The following GCG variants were observed in gnomAD, a reference collection of about 807,000 sequenced individuals.
The protein encoded by GCG is pro-glucagon.
In GCG, 11 loss-of-function variants were observed where a neutral mutation model predicts 22.8. The observed-to-expected ratio is 0.48, with a 90% confidence interval of 0.30 to 0.80. The LOEUF (loss-of-function observed/expected upper bound fraction) is 0.80, where lower values mean the gene tolerates loss of function less well. Ranked by LOEUF, GCG falls within the 30% of genes least tolerant of loss-of-function variation. GCG has a pLI of 0.06. For missense variants in GCG, 222 were observed against 222.0 expected (o/e 1.00, Z 0.00); for synonymous variants, 89 against 72.4 (o/e 1.23, Z -1.16).
intron 1 of GCG, among the ~76,000 whole-genome samples, chr2:162,151,692 G>T (rs757965842): frequency 6.6e-6 from 1 of 152,028 alleles, no homozygotes; most frequent in African/African-American, 2.4e-5. Flanking sequence ...TATTTAATTT[G>T]CTCTTTTGGA....
intron 2 of GCG, among the ~76,000 whole-genome samples, 179 bp downstream of exon 2, chr2:162,148,908 A>T (rs568835084): frequency 6.9e-6 from 1 of 145,112 alleles, no homozygotes; most frequent in South Asian, 2.2e-4. Context: ...ATTATAAAAA[A>T]CACAAACTCT....
chr2:162,147,720 T>C (rs1686725608), intron 2 of GCG: 3 of 616,660 alleles, frequency 4.9e-6, no homozygotes, highest in East Asian at 2.9e-5. Context: ...TTATTCTGAA[T>C]TCTAGAAACA....
At chr2:162,146,834 GTTC>G (rs1686700976) in intron 3 of GCG, among the ~76,000 whole-genome samples, 2 of 152,034 alleles carry the variant, frequency 1.3e-5, no homozygotes, top group South Asian at 4.1e-4. Context: ...ATAGGCTTGT[GTTC>G]TTATTTGCTG....
chr2:162,150,517 A>G (rs1248097339), intron 1 of GCG, among the ~76,000 whole-genome samples: 2 of 152,126 alleles, frequency 1.3e-5, no homozygotes, highest in Non-Finnish European at 2.9e-5. Context: ...TAGGAATGAT[A>G]TATTCACCTT....
intron 4 of GCG, chr2:162,144,722 T>A (rs979507182): frequency 3.3e-5 from 5 of 152,222 alleles, no homozygotes; most frequent in Admixed American, 2.6e-4. Flanking sequence ...ATTCTAGTTC[T>A]CTTTCATCTT....
chr2:162,149,573 A>AC (rs1258873663), intron 1 of GCG, among the ~76,000 whole-genome samples: 2 of 152,034 alleles, frequency 1.3e-5, no homozygotes, highest in African/African-American at 2.4e-5. Context: ...CCATCATGCC[A>AC]CCCCCCTCAC....
At chr2:162,147,152 G>C (rs1282279817) in intron 3 of GCG, among the ~76,000 whole-genome samples, 1 of 152,030 alleles carries the variant, frequency 6.6e-6, no homozygotes, top group Admixed American at 6.6e-5. Flanking sequence ...CTGGAGGTTG[G>C]GTAAGTGGTT....
chr2:162,147,675 A>G lies in GCG; in HGVS notation c.93-161T>C. The G allele has an allele frequency of 3.9e-6, 3 of 764,220 alleles. No homozygotes were observed. In the South Asian group the frequency reaches 4.1e-5, roughly 11 times the overall value. 47.3% of individuals were successfully genotyped at this position (764,220 alleles called of 1,614,324 possible). On this transcript the variant is annotated intron_variant, in intron 2 of 5. Coordinates refer to ENST00000418842, the MANE Select transcript of GCG (RefSeq NM_002054.5). ...GAAAGATCTTCCTTAGCTTGTCATG[A>G]GAATCCCTTCGTTTTAGTATAGTTG... is the stretch of plus-strand genomic sequence containing the variant.
intron 4 of GCG, 39 bp from the exon 5 acceptor site, chr2:162,144,209 A>G: frequency 6.7e-7 from 1 of 1,491,858 alleles, no homozygotes; most frequent in Non-Finnish European, 9.4e-7. Context: ...TTGATTAGAT[A>G]TTTTCAATAA....
At chr2:162,151,830 A>G (rs1392771595) in intron 1 of GCG, among the ~76,000 whole-genome samples, 2 of 152,176 alleles carry the variant, frequency 1.3e-5, no homozygotes, top group African/African-American at 4.8e-5. Context: ...CAAGAAAAAT[A>G]TTTATTCTTC....
At chr2:162,145,352 T>A (rs1228912193) in intron 4 of GCG, 188 bp downstream of exon 4, 2 of 497,780 alleles carry the variant, frequency 4.0e-6, no homozygotes, top group Non-Finnish European at 3.4e-6. Flanking sequence ...TTGGCTCTAT[T>A]ATTAATACTT....
At chr2:162,148,006 G>C (rs1412384437) in intron 2 of GCG, among the ~76,000 whole-genome samples, 2 of 152,050 alleles carry the variant, frequency 1.3e-5, no homozygotes, top group African/African-American at 2.4e-5. Flanking sequence ...GCAAGAAAAA[G>C]GATACTTGCT....
intron 1 of GCG, among the ~76,000 whole-genome samples, chr2:162,151,545 A>G (rs1000942037): frequency 3.9e-5 from 6 of 152,168 alleles, no homozygotes; most frequent in African/African-American, 1.4e-4. Context: ...CTTCACTCAG[A>G]TGCATCCAAA....
At chr2:162,148,590 A>T (rs1339543336) in intron 2 of GCG, among the ~76,000 whole-genome samples, 2 of 152,132 alleles carry the variant, frequency 1.3e-5, no homozygotes, top group Non-Finnish European at 2.9e-5. Context: ...GTTTACGTAA[A>T]ACACAGGAAA....
At chr2:162,144,616 TC>T (rs1686635841) in intron 4 of GCG, 1 of 154,326 alleles carries the variant, frequency 6.5e-6, no homozygotes, top group African/African-American at 2.4e-5. Flanking sequence ...ATTTTTGGTA[TC>T]CCTTTAAAAC....
chr2:162,149,023 A>G (rs1686765677), intron 2 of GCG, 64 bp downstream of exon 2: 3 of 934,112 alleles, frequency 3.2e-6, no homozygotes, highest in Non-Finnish European at 5.2e-6. Flanking sequence ...TTCACTAATC[A>G]TAGTTTTCAC....
In GCG at chr2:162,147,356, T is replaced by G; in HGVS notation, c.251A>C (p.Asn84Thr). 6.2e-7 allele frequency: 1 copy of G among 1,611,902 alleles called. No homozygotes were observed. The highest frequency in any genetic ancestry group is 1.7e-5 in the Admixed American group (1 of 59,966). ...TGAGCCAGGCTTAGACTCTTACCTG[T>G]TCCTCTTGGTATTCATCAACCACTG... ...FVQWLMNTKR[N>T]RNNIAKRHDE... is the part of the protein sequence containing the mutation. Residue 84 changes from asparagine (N) to threonine (T), a missense_variant, in exon 3 of 6, where the codon AAC becomes ACC. Asn to Thr is a moderately conservative substitution (Grantham distance 65). Coordinates refer to ENST00000418842, the MANE Select transcript of GCG (RefSeq NM_002054.5).
intron 2 of GCG, 22 bp from the exon 3 acceptor site, chr2:162,147,536 A>G (rs751131913): frequency 8.7e-6 from 14 of 1,610,186 alleles, no homozygotes; most frequent in African/African-American, 1.3e-5. Context: ...AGTGATTGGT[A>G]CAACATAAAT....
At chr2:162,145,443 T>C in intron 4 of GCG, 97 bp downstream of exon 4, 3 of 972,968 alleles carry the variant, frequency 3.1e-6, no homozygotes, top group Non-Finnish European at 4.5e-6. Context: ...GCAAGACTAC[T>C]AATTGCTTCT....
Sources: gnomAD v4.1 joint callset for allele counts (sites outside exome capture counted in the v4.1 genomes callset) on GRCh38, gnomAD v4.1.1 for gene constraint, MANE v1.5 for transcripts, NCBI Gene and HGNC (gene_info 2026-07-23, HGNC 2026-07-21) for gene names.